The following ADD2 variants were observed in gnomAD, a reference collection of about 807,000 sequenced individuals.
ADD2 encodes the protein adducin 2.
A neutral mutation model predicts 83.0 loss-of-function variants in ADD2; 23 were observed. The ratio of observed to expected loss-of-function variants is 0.28; its 90% CI spans 0.20 to 0.39. The LOEUF (loss-of-function observed/expected upper bound fraction) is 0.39, where lower values mean the gene tolerates loss of function less well. Among genes scored for constraint, ADD2 ranks in the 10% least tolerant of loss-of-function variants. The pLI, the probability that ADD2 is intolerant of heterozygous loss-of-function variation, is 1.00. For synonymous variants in ADD2, 375 were observed against 375.4 expected (o/e 1.00, Z 0.01); for missense variants, 758 against 944.9 (o/e 0.80, Z 2.59).
In ADD2 at chr2:70,706,540, G is replaced by T. The variant is rs1671915690; in HGVS notation, c.-34-98C>A. On this transcript the variant is annotated intron_variant, in intron 2 of 15. Coordinates refer to ENST00000264436, the MANE Select transcript of ADD2 (RefSeq NM_001617.4). This position sits in a 1 kb window ranked among gnomAD's most constrained non-coding sequence, Gnocchi z 5.0. ...GGCTAGGTTCAGTTGGATTCTCAGT[G>T]GGGTACGGCTGTTCCTAGGATGGTA... 1.8e-6 allele frequency: 2 copies of T among 1,129,538 alleles called. No homozygotes were observed. Among genetic ancestry groups the T allele is most frequent in the Non-Finnish European group, 2.5e-6 (2 of 814,486 alleles). 70.0% of individuals were successfully genotyped at this position (1,129,538 alleles called of 1,614,324 possible).
At chr2:70,663,891 G>A (rs1459319775) in intron 15 of ADD2, among the ~76,000 whole-genome samples, 156 bp from the exon 16 acceptor site, 3 of 152,184 alleles carry the variant, frequency 2.0e-5, no homozygotes, top group Non-Finnish European at 4.4e-5. Flanking sequence ...AGAGACAGAT[G>A]GAAGGACTGG....
intron 2 of ADD2, among the ~76,000 whole-genome samples, chr2:70,708,832 T>C (rs1672032994): frequency 6.6e-6 from 1 of 152,262 alleles, no homozygotes; most frequent in African/African-American, 2.4e-5. Context: ...CCACAGCAGC[T>C]GAGCTTCCAC....
rs566139882 is a variant in ADD2 at position 70,706,366 on chromosome 2, G to T, written c.43C>A (p.Pro15Thr). ...TVPEAASPPP[P>T]QGQPYFDRFS... ...CGGTCAAAGTAAGGCTGCCCCTGCG[G>T]GGGCGGCGGCGAGGCAGCCTCGGGG... is the stretch of plus-strand genomic sequence containing the variant. Residue 15 changes from proline (P) to threonine (T), a missense_variant, in exon 3 of 16, where the codon CCG becomes ACG. Around this residue, in one of 5 missense-constraint regions of ADD2, gnomAD observed 175 missense variants for 192.1 expected, o/e 0.91. Transcript: ENST00000264436. The surrounding 1 kb of genome is among the most constrained non-coding windows in gnomAD (Gnocchi z 5.0). 6.2e-7 allele frequency: 1 copy of T among 1,612,240 alleles called. No individual in the cohort carries two copies. Among genetic ancestry groups the T allele is most frequent in the African/African-American group, 1.3e-5 (1 of 75,054 alleles).
chr2:70,674,662 C>T lies in ADD2; in HGVS notation c.1741+16G>A. ...TGGGGGACTTGGAAGCAAGGGTGTG[C>T]CTCAGGGTCATTTACCATCAAGTTC... On this transcript the variant is annotated intron_variant, in intron 14 of 15. Transcript: ENST00000264436. 1 of 1,609,492 alleles carries T rather than the reference C, an allele frequency of 6.2e-7. No individual in the cohort carries two copies. Among genetic ancestry groups the T allele is most frequent in the Non-Finnish European group, 8.5e-7 (1 of 1,177,880 alleles).
At chr2:70,685,828 C>T (rs1412112777) in intron 9 of ADD2, among the ~76,000 whole-genome samples, 1 of 152,200 alleles carries the variant, frequency 6.6e-6, no homozygotes, top group African/African-American at 2.4e-5. Context: ...CCTCCCTCTT[C>T]CTCCCCCAGT....
Position 70,677,891 on chromosome 2 carries a change from A to G in ADD2, c.1384-14T>C, listed in dbSNP as rs781883883. The stretch of plus-strand genomic sequence containing the variant: ...AGCCTTCATCCACTGCACAAACACA[A>G]GGTCATGGGGCTGAGGTGAGGGAAC... On this transcript the variant is annotated splice_polypyrimidine_tract_variant and intron_variant, in intron 11 of 15. Transcript: ENST00000264436. 1.1e-5 allele frequency: 17 copies of G among 1,614,102 alleles called. No individual in the cohort carries two copies. The highest frequency in any genetic ancestry group is 1.4e-5 in the Non-Finnish European group (16 of 1,179,990).
chr2:70,738,449 G>C lies in ADD2; in HGVS notation c.-153-25265C>G, dbSNP rs1032671217. On this transcript the variant is annotated intron_variant, in intron 1 of 15. Transcript: ENST00000264436. ...GCACTTGTCTTTGCTACTTGGAGGA[G>C]AGAAAGCTAATCAGCTGAAAGATAA... Among the ~76,000 whole-genome samples, 13 of 152,210 alleles carry C rather than the reference G, an allele frequency of 8.5e-5. 1 individual carries two copies. Among genetic ancestry groups the C allele is most frequent in the South Asian group, 6.2e-4 (3 of 4,822 alleles).
intron 15 of ADD2, among the ~76,000 whole-genome samples, chr2:70,666,121 G>GT (rs1477547255): frequency 1.3e-5 from 2 of 152,238 alleles, no homozygotes; most frequent in Admixed American, 1.3e-4. Context: ...GCCCACACTT[G>GT]TTTTTTATGC....
At chr2:70,739,615 AG>A (rs1673772812) in intron 1 of ADD2, among the ~76,000 whole-genome samples, 1 of 152,222 alleles carries the variant, frequency 6.6e-6, no homozygotes, top group Non-Finnish European at 1.5e-5. Flanking sequence ...ACAATAGCAA[AG>A]ACCTAAATGC....
chr2:70,762,809 A>C (rs1468879617), intron 1 of ADD2, among the ~76,000 whole-genome samples: 5 of 150,522 alleles, frequency 3.3e-5, no homozygotes, highest in African/African-American at 1.2e-4. Flanking sequence ...GGGTTCAAGC[A>C]ATTCTCCTGC....
At chr2:70,750,090 G>T (rs1674432923) in intron 1 of ADD2, among the ~76,000 whole-genome samples, 2 of 131,018 alleles carry the variant, frequency 1.5e-5, no homozygotes, top group South Asian at 4.9e-4. Flanking sequence ...CTCTTGAGAG[G>T]GGGGCAGAGT....
chr2:70,738,075 G>A (rs1325792630), intron 1 of ADD2, among the ~76,000 whole-genome samples: 3 of 152,284 alleles, frequency 2.0e-5, no homozygotes, highest in East Asian at 1.9e-4. Flanking sequence ...ATGAGGCCTC[G>A]TGTTGTTTCT....
chr2:70,677,232 G>A (rs1341664809), intron 12 of ADD2, among the ~76,000 whole-genome samples: 3 of 152,088 alleles, frequency 2.0e-5, no homozygotes, highest in Non-Finnish European at 4.4e-5. Flanking sequence ...GGGGAGAGGG[G>A]AGAGGGGAGA....
Position 70,676,718 on chromosome 2 carries a change from C to G in ADD2, c.1593+78G>C, listed in dbSNP as rs1326900631. ...AGGTGGGTATGAGGACTCAGGGGTC[C>G]TGCAACCCAGCCCCAGGCACAGAAG... On this transcript the variant is annotated intron_variant, in intron 13 of 15. Transcript: ENST00000264436. This position sits in a 1 kb window ranked among gnomAD's most constrained non-coding sequence, Gnocchi z 4.8. 4 of 1,596,220 alleles carry G rather than the reference C, an allele frequency of 2.5e-6. No individual in the cohort carries two copies. The highest frequency in any genetic ancestry group is 1.3e-5 in the African/African-American group (1 of 74,502).
intron 15 of ADD2, among the ~76,000 whole-genome samples, chr2:70,669,698 T>A (rs557987372): frequency 6.6e-6 from 1 of 152,204 alleles, no homozygotes; most frequent in African/African-American, 2.4e-5. Context: ...CAGTGGAAGA[T>A]CCACAAAGCA....
At chr2:70,747,451 A>G (rs183664839) in intron 1 of ADD2, among the ~76,000 whole-genome samples, 422 of 150,536 alleles carry the variant, frequency 2.8e-3, no homozygotes, top group African/African-American at 9.5e-3. Flanking sequence ...CTCTCCCATC[A>G]TGCCATGTGC....
At chr2:70,674,598 A>G in intron 14 of ADD2, 80 bp downstream of exon 14, 1 of 1,407,086 alleles carries the variant, frequency 7.1e-7, no homozygotes, top group Non-Finnish European at 9.7e-7. Flanking sequence ...TGGGGCAGGA[A>G]GGTCCTCTCT....
chr2:70,742,318 T>A (rs1673960914), intron 1 of ADD2, among the ~76,000 whole-genome samples: 1 of 152,162 alleles, frequency 6.6e-6, no homozygotes, highest in African/African-American at 2.4e-5. Context: ...ATCAAGTACA[T>A]TACCAGAGAA....
Position 70,662,441 on chromosome 2 carries a change from T to C in ADD2, c.*984A>G, listed in dbSNP as rs909626883. 3 of 152,072 alleles carry C rather than the reference T, an allele frequency of 2.0e-5. No individual in the cohort carries two copies. Among genetic ancestry groups the C allele is most frequent in the African/African-American group, 4.8e-5 (2 of 41,382 alleles). The allele number at this position is 152,072 out of a possible 1,614,324, so 9.4% of individuals were successfully genotyped here. On this transcript the variant is annotated 3_prime_UTR_variant, in exon 16 of 16. Coordinates refer to ENST00000264436, the MANE Select transcript of ADD2 (RefSeq NM_001617.4). ...ATGCCAGTTTCGGTCTGTAAGCAAG[T>C]GTTTCTGGGGGTGAGGGAAGGTCAG...
Sources: gnomAD v4.1 joint callset for allele counts (sites outside exome capture counted in the v4.1 genomes callset) on GRCh38, gnomAD v4.1.1 for gene constraint, gnomAD v4.1.1 regional missense constraint, Gnocchi (gnomAD v3.1) non-coding constraint, MANE v1.5 for transcripts, NCBI Gene and HGNC (gene_info 2026-07-23, HGNC 2026-07-21) for gene names.